Variants in CXCL13 observed in about 807,000 individuals in gnomAD.
CXCL13 encodes the protein C-X-C motif chemokine ligand 13, also known as C-X-C motif chemokine 13.
Under a neutral mutation model 12.2 loss-of-function variants are expected in CXCL13, and 7 were observed. The observed-to-expected ratio is 0.57, with a 90% CI of 0.33 to 1.07. The LOEUF (loss-of-function observed/expected upper bound fraction) is 1.07, where lower values mean the gene tolerates loss of function less well. CXCL13 is among the 50% of genes least tolerant of loss of function. CXCL13 has a pLI of 0.04. For synonymous variants in CXCL13, 47 were observed against 42.4 expected (o/e 1.11, Z -0.42); for missense variants, 113 against 127.4 (o/e 0.89, Z 0.55).
chr4:77,588,686 G>A (rs1560534545), intron 1 of CXCL13, among the ~76,000 whole-genome samples: 1 of 152,090 alleles, frequency 6.6e-6, no homozygotes, highest in Non-Finnish European at 1.5e-5. Flanking sequence ...CATGAATCTG[G>A]CTCTATCTTC....
At chr4:77,567,444 G>A (rs914900149) in intron 1 of CXCL13, among the ~76,000 whole-genome samples, 8 of 152,174 alleles carry the variant, frequency 5.3e-5, no homozygotes, top group Non-Finnish European at 1.0e-4. Flanking sequence ...ATACTTACTG[G>A]CATTGTTCAA....
intron 1 of CXCL13, among the ~76,000 whole-genome samples, chr4:77,581,032 T>C (rs1482831605): frequency 6.6e-6 from 1 of 151,942 alleles, no homozygotes; most frequent in Middle Eastern, 3.4e-3. Context: ...TTCATTCAAA[T>C]AAAATACAGA....
At chr4:77,544,350 T>C (rs1725298013) in intron 1 of CXCL13, among the ~76,000 whole-genome samples, 2 of 152,216 alleles carry the variant, frequency 1.3e-5, no homozygotes, top group Non-Finnish European at 2.9e-5. Context: ...TGAACTAGTT[T>C]AGACTCCCAC....
At chr4:77,536,901 G>T (rs1007342529) in intron 1 of CXCL13, among the ~76,000 whole-genome samples, 24 of 152,100 alleles carry the variant, frequency 1.6e-4, no homozygotes, top group African/African-American at 5.1e-4. Context: ...TGAACTAGAG[G>T]TGTGATCTGT....
chr4:77,588,796 A>G lies in CXCL13; in HGVS notation c.-42-17028A>G, dbSNP rs146160028. On this transcript the variant is annotated intron_variant, in intron 1 of 4. Coordinates refer to the CXCL13 transcript ENST00000286758. ...TCCAACCCTCCCTTCTCAAGCATAG[A>G]TAAACGAGAACAAAGCTGAACTCTC... Among the ~76,000 whole-genome samples, 293 of 152,286 alleles carry G rather than the reference A, an allele frequency of 1.9e-3. 7 individuals are homozygous for G. The highest frequency in any genetic ancestry group is 0.018 in the Admixed American group (275 of 15,294).
chr4:77,551,552 A>G (rs969080857), intron 1 of CXCL13, among the ~76,000 whole-genome samples: 1 of 152,064 alleles, frequency 6.6e-6, no homozygotes, highest in Non-Finnish European at 1.5e-5. Context: ...TTTCTTTAGT[A>G]TTGACCTTGG....
At chr4:77,583,851 TTTG>T (rs1726392742) in intron 1 of CXCL13, among the ~76,000 whole-genome samples, 1 of 152,034 alleles carries the variant, frequency 6.6e-6, no homozygotes, top group Non-Finnish European at 1.5e-5. Context: ...GCTAGGTGAG[TTTG>T]TTATTATTTG....
At chr4:77,563,722 G>A (rs1725865644) in intron 1 of CXCL13, among the ~76,000 whole-genome samples, 1 of 152,030 alleles carries the variant, frequency 6.6e-6, no homozygotes, top group Admixed American at 6.6e-5. Flanking sequence ...GAATTACAGG[G>A]GAATATACAG....
At chr4:77,532,614 T>C (rs1020419493) in intron 1 of CXCL13, among the ~76,000 whole-genome samples, 2 of 152,230 alleles carry the variant, frequency 1.3e-5, no homozygotes, top group African/African-American at 4.8e-5. Context: ...TTGGGGAAAT[T>C]CTCCTGGATA....
intron 1 of CXCL13, among the ~76,000 whole-genome samples, chr4:77,580,391 A>G (rs1459967871): frequency 8.6e-6 from 1 of 116,216 alleles, no homozygotes; most frequent in Non-Finnish European, 1.6e-5. Context: ...CAGTGGTGCA[A>G]TCTTGGCTCA....
intron 1 of CXCL13, among the ~76,000 whole-genome samples, chr4:77,527,995 G>T (rs1336944391): frequency 6.6e-6 from 1 of 151,630 alleles, no homozygotes; most frequent in East Asian, 1.9e-4. Flanking sequence ...TGTTCTCATT[G>T]TTCAATTCCC....
chr4:77,560,922 C>T (rs1725796255), intron 1 of CXCL13, among the ~76,000 whole-genome samples: 1 of 152,038 alleles, frequency 6.6e-6, no homozygotes, highest in Admixed American at 6.6e-5. Context: ...TGCTGAAATC[C>T]TTATCTATCC....
Position 77,609,608 on chromosome 4 carries a change from CTGTT to C in CXCL13, c.198-1002_198-999del, listed in dbSNP as rs1727097494. On this transcript the variant is annotated intron_variant, in intron 2 of 3. Coordinates refer to ENST00000682537, the MANE Select transcript of CXCL13 (RefSeq NM_001371558.1). ...CAGGCATGAGCTACCATGCTGCTGG[CTGTT>C]TGTCATTTTATAACTAAGATAAATG... Among the ~76,000 whole-genome samples, 5 of 152,228 alleles carry C rather than the reference CTGTT, an allele frequency of 3.3e-5. No homozygotes were observed. The South Asian group carries it at 6.2e-4, about 19-fold the overall frequency.
chr4:77,592,057 T>C (rs1726626014), intron 1 of CXCL13, among the ~76,000 whole-genome samples: 1 of 152,206 alleles, frequency 6.6e-6, no homozygotes, highest in African/African-American at 2.4e-5. Context: ...TGGATCATTA[T>C]CACATGATCC....
upstream of CXCL13, among the ~76,000 whole-genome samples, chr4:77,604,853 A>T (rs758397438): frequency 2.0e-5 from 3 of 152,200 alleles, no homozygotes; most frequent in Admixed American, 6.5e-5. Context: ...TTCTTAGCAG[A>T]TCAGTGGGTC....
chr4:77,520,261 G>A (rs1446413712), intron 1 of CXCL13, among the ~76,000 whole-genome samples: 26 of 152,144 alleles, frequency 1.7e-4, no homozygotes, highest in Admixed American at 1.7e-3. Context: ...GAAAGTCATT[G>A]GTAGCTTGAT....
intron 1 of CXCL13, among the ~76,000 whole-genome samples, chr4:77,545,625 T>C (rs1045466103): frequency 6.6e-6 from 1 of 152,222 alleles, no homozygotes; most frequent in East Asian, 1.9e-4. Context: ...TGAAGTTGCT[T>C]ATCAGCTTAA....
At chr4:77,608,057 A>G (rs1278810243) in intron 2 of CXCL13, among the ~76,000 whole-genome samples, 1 of 152,154 alleles carries the variant, frequency 6.6e-6, no homozygotes, top group Non-Finnish European at 1.5e-5. Flanking sequence ...TTATTCAACC[A>G]CTTTATTAAG....
At chr4:77,530,139 G>A (rs1189794532) in intron 1 of CXCL13, among the ~76,000 whole-genome samples, 2 of 152,174 alleles carry the variant, frequency 1.3e-5, no homozygotes, top group Admixed American at 1.3e-4. Flanking sequence ...CTTGATCATG[G>A]TGGATAAGCT....
Sources: gnomAD v4.1 joint callset for allele counts (sites outside exome capture counted in the v4.1 genomes callset) on GRCh38, gnomAD v4.1.1 for gene constraint, MANE v1.5 for transcripts, NCBI Gene and HGNC (gene_info 2026-07-23, HGNC 2026-07-21) for gene names.